ROBO2: variants seen among roughly 807,000 people sequenced by gnomAD.
ROBO2 encodes roundabout homolog 2.
Under a neutral mutation model 160.8 loss-of-function variants are expected in ROBO2, and 53 were observed. The ratio of observed to expected loss-of-function variants is 0.33; its 90% CI spans 0.26 to 0.41. ROBO2 has a LOEUF of 0.41. Ranked by LOEUF, ROBO2 falls within the 10% of genes least tolerant of loss-of-function variation. The probability of loss-of-function intolerance (pLI) is 1.00; values close to 1 mark genes in which losing one functional copy is unlikely to be tolerated. For synonymous variants in ROBO2, 664 were observed against 611.7 expected (o/e 1.09, Z -1.26); for missense variants, 1,577 against 1,722.4 (o/e 0.92, Z 1.49).
intron 2 of ROBO2, among the ~76,000 whole-genome samples, chr3:76,749,885 C>G (rs769252454): frequency 6.6e-6 from 1 of 152,038 alleles, no homozygotes; most frequent in Non-Finnish European, 1.5e-5. Context: ...GGAGCTGGTA[C>G]CATTCCTTCT....
chr3:76,084,982 TA>T (rs1559898756), intron 2 of ROBO2, among the ~76,000 whole-genome samples: 1 of 151,974 alleles, frequency 6.6e-6, no homozygotes, highest in African/African-American at 2.4e-5. Flanking sequence ...TTAGGCTTTT[TA>T]AAAAAAATTT....
In ROBO2 at chr3:77,257,947, T is replaced by C. The variant is rs374591471; in HGVS notation, c.388+159607T>C. 1.3e-4 allele frequency among the ~76,000 whole-genome samples: 20 copies of C among 152,386 alleles called. 1 individual carries two copies. The East Asian group carries it at 3.7e-3, about 28-fold the overall frequency. Reference sequence around the variant, plus strand: ...TGATAAGGAAAGTGCTTTGTTATAATGCCATTTAAACCTTTTTTAGCTAAA... The same window carrying C: ...TGATAAGGAAAGTGCTTTGTTATAACGCCATTTAAACCTTTTTTAGCTAAA... On this transcript the variant is annotated intron_variant, in intron 2 of 25. Transcript: ENST00000461745.
intron 2 of ROBO2, among the ~76,000 whole-genome samples, chr3:76,509,542 A>G (rs1225766221): frequency 6.6e-6 from 1 of 152,174 alleles, no homozygotes; most frequent in Non-Finnish European, 1.5e-5. Flanking sequence ...GGCAGATGGT[A>G]GCATGTTTAC....
intron 2 of ROBO2, among the ~76,000 whole-genome samples, chr3:76,662,483 C>G (rs1375333077): frequency 6.6e-6 from 1 of 151,948 alleles, no homozygotes; most frequent in Non-Finnish European, 1.5e-5. Context: ...GATTCAAAAA[C>G]AGCTAAGATA....
intron 2 of ROBO2, among the ~76,000 whole-genome samples, chr3:76,254,601 C>T (rs1426539351): frequency 6.6e-6 from 1 of 151,978 alleles, no homozygotes; most frequent in East Asian, 1.9e-4. Flanking sequence ...TGCAATAACG[C>T]TGTCAGCACA....
At chr3:76,645,887 G>A (rs1027485681) in intron 2 of ROBO2, among the ~76,000 whole-genome samples, 9 of 152,162 alleles carry the variant, frequency 5.9e-5, no homozygotes, top group Admixed American at 2.0e-4. Flanking sequence ...CACAAGTCAT[G>A]TATTGTGTAC....
chr3:76,669,336 A>G (rs1040125039), intron 2 of ROBO2, among the ~76,000 whole-genome samples: 9 of 152,190 alleles, frequency 5.9e-5, no homozygotes, highest in African/African-American at 1.4e-4. Context: ...AATTCCATAA[A>G]AAAGGCAAAA....
At chr3:76,552,668 C>T (rs1169554927) in intron 2 of ROBO2, among the ~76,000 whole-genome samples, 1 of 152,128 alleles carries the variant, frequency 6.6e-6, no homozygotes, top group Non-Finnish European at 1.5e-5. Context: ...GAAACTATGG[C>T]AAACACTCTA....
intron 2 of ROBO2, among the ~76,000 whole-genome samples, chr3:76,760,713 C>A (rs566674814): frequency 2.3e-5 from 1 of 43,986 alleles, no homozygotes; most frequent in African/African-American, 9.1e-5. Flanking sequence ...ACCTCTGAGT[C>A]GGTAAGTTAA....
chr3:76,062,848 G>C (rs2107899264), intron 2 of ROBO2, among the ~76,000 whole-genome samples: 1 of 152,286 alleles, frequency 6.6e-6, no homozygotes, highest in Non-Finnish European at 1.5e-5. Context: ...TGGATGGTGA[G>C]AAAGCAGAGA....
chr3:76,502,622 T>A lies in ROBO2; in HGVS notation c.109+565020T>A, dbSNP rs575401148. 7.2e-5 allele frequency among the ~76,000 whole-genome samples: 11 copies of A among 152,336 alleles called. No individual in the cohort carries two copies. In the South Asian group the frequency reaches 2.3e-3, roughly 32 times the overall value. On this transcript the variant is annotated intron_variant, in intron 2 of 26. Transcript: ENST00000487694. The stretch of plus-strand genomic sequence containing the variant: ...GATACATAGCAAGTGTACGTATTTA[T>A]GGGCTTCATGAGATGTTTTGATATA...
intron 1 of ROBO2, among the ~76,000 whole-genome samples, chr3:77,093,780 T>C (rs1326065049): frequency 1.3e-5 from 2 of 152,160 alleles, no homozygotes; most frequent in African/African-American, 4.8e-5. Flanking sequence ...CTCTCTCTAA[T>C]CTATCTATCT....
intron 2 of ROBO2, among the ~76,000 whole-genome samples, chr3:76,040,849 G>A (rs1965300): frequency 0.34 from 52,023 of 151,642 alleles, 9,399 homozygotes; most frequent in South Asian, 0.56. Flanking sequence ...TTAGCCAGGT[G>A]TGGTGGGGTG....
chr3:76,792,746 A>C (rs2063447916), intron 2 of ROBO2, among the ~76,000 whole-genome samples: 1 of 151,812 alleles, frequency 6.6e-6, no homozygotes. Context: ...ACAACAAAAA[A>C]ATCCTCTGGT....
intron 2 of ROBO2, among the ~76,000 whole-genome samples, chr3:77,360,764 C>T (rs1047555909): frequency 6.6e-6 from 1 of 152,032 alleles, no homozygotes; most frequent in Non-Finnish European, 1.5e-5. Context: ...AAGCAAATTG[C>T]TGTGTCTGGG....
intron 2 of ROBO2, among the ~76,000 whole-genome samples, chr3:77,446,631 C>T (rs1320114239): frequency 6.6e-6 from 1 of 151,956 alleles, no homozygotes; most frequent in Non-Finnish European, 1.5e-5. Context: ...TGCTTAAACA[C>T]TGTATATGGT....
intron 2 of ROBO2, among the ~76,000 whole-genome samples, chr3:76,099,639 T>A (rs1305954653): frequency 6.6e-6 from 1 of 152,208 alleles, no homozygotes; most frequent in Non-Finnish European, 1.5e-5. Context: ...TATAGAATCC[T>A]GTAAATTTTA....
intron 2 of ROBO2, among the ~76,000 whole-genome samples, chr3:76,346,805 T>G (rs945095387): frequency 9.2e-5 from 14 of 152,318 alleles, no homozygotes; most frequent in Admixed American, 5.9e-4. Context: ...AAACTTTGCC[T>G]GATATACTCA....
At chr3:77,522,442 C>CA (rs1232476724) in intron 5 of ROBO2, among the ~76,000 whole-genome samples, 1 of 150,906 alleles carries the variant, frequency 6.6e-6, no homozygotes, top group East Asian at 2.0e-4. Flanking sequence ...TATAACTCAC[C>CA]AAGAAACTGA....
Sources: allele counts gnomAD v4.1 joint callset (sites outside exome capture counted in the v4.1 genomes callset), GRCh38; gene constraint gnomAD v4.1.1; transcripts MANE v1.5; gene names NCBI Gene and HGNC (gene_info 2026-07-23, HGNC 2026-07-21).